Variants in GALNT2 observed in about 807,000 individuals in gnomAD.
GALNT2 encodes the protein polypeptide N-acetylgalactosaminyltransferase 2.
A neutral mutation model predicts 81.4 loss-of-function variants in GALNT2; 31 were observed. That is an observed-to-expected ratio of 0.38 (90% CI 0.29 to 0.51). The LOEUF (loss-of-function observed/expected upper bound fraction) is 0.51, where lower values mean the gene tolerates loss of function less well. Among genes scored for constraint, GALNT2 ranks in the 20% least tolerant of loss-of-function variants. The pLI is 0.87. For synonymous variants in GALNT2, 303 were observed against 287.4 expected, an observed-to-expected ratio of 1.05 and a Z score of -0.55; for missense variants, 629 against 765.7, an observed-to-expected ratio of 0.82 and a Z score of 2.11.
intron 1 of GALNT2, among the ~76,000 whole-genome samples, chr1:230,058,882 C>G (rs1032073160): frequency 6.6e-6 from 1 of 152,188 alleles, no homozygotes; most frequent in Non-Finnish European, 1.5e-5. Context: ...TCATTAAAGA[C>G]AGCCCATTGT....
At chr1:230,249,315 C>T (rs1431465858) in intron 9 of GALNT2, 44 bp downstream of exon 9, 13 of 1,568,052 alleles carry the variant, frequency 8.3e-6, no homozygotes, top group Non-Finnish European at 1.1e-5. Context: ...AGATGAGACC[C>T]CAGGTTCCAG....
chr1:230,275,529 C>A lies in GALNT2; in HGVS notation c.1560+965C>A, dbSNP rs942928281. Reference sequence around the variant, plus strand: ...ACAGATACATACATATATATACATGCCACATAGATATACATATATAAACGC... The same window carrying A: ...ACAGATACATACATATATATACATGACACATAGATATACATATATAAACGC... On this transcript the variant is annotated intron_variant, in intron 15 of 15. Transcript: ENST00000366672. The surrounding 1 kb of genome is among the most constrained non-coding windows in gnomAD (Gnocchi z 5.5). Among the ~76,000 whole-genome samples the A allele has an allele frequency of 6.7e-6, 1 of 148,550 alleles. No individual in the cohort carries two copies. Among genetic ancestry groups the A allele is most frequent in the Non-Finnish European group, 1.5e-5 (1 of 66,954 alleles).
intron 2 of GALNT2, among the ~76,000 whole-genome samples, chr1:230,184,095 T>G (rs1333306216): frequency 2.0e-5 from 3 of 149,978 alleles, no homozygotes; most frequent in African/African-American, 7.3e-5. Flanking sequence ...AAAGAGCTGC[T>G]TTTAACATTT....
chr1:230,188,238 C>T (rs566929110), intron 2 of GALNT2, among the ~76,000 whole-genome samples: 10 of 152,260 alleles, frequency 6.6e-5, no homozygotes, highest in African/African-American at 2.2e-4. Flanking sequence ...TTGGGGCTGC[C>T]GTGGTCACAA....
At chr1:230,151,625 TAAGG>T (rs1307152307) in intron 1 of GALNT2, among the ~76,000 whole-genome samples, 1 of 152,096 alleles carries the variant, frequency 6.6e-6, no homozygotes, top group Non-Finnish European at 1.5e-5. Flanking sequence ...CCACGTAAGC[TAAGG>T]AAGGAAAGCA....
intron 10 of GALNT2, 116 bp downstream of exon 10, chr1:230,250,676 C>CTG: frequency 1.5e-6 from 1 of 661,890 alleles, no homozygotes; most frequent in Non-Finnish European, 2.6e-6. Flanking sequence ...TGGGCTTAAT[C>CTG]GATCCTTGCA....
chr1:230,242,917 C>T (rs12076454), intron 6 of GALNT2, among the ~76,000 whole-genome samples: 14,395 of 152,144 alleles, frequency 0.095, 1,490 homozygotes, highest in African/African-American at 0.25. Flanking sequence ...AAAATCAACA[C>T]CATTAGCACT....
intron 1 of GALNT2, among the ~76,000 whole-genome samples, chr1:230,096,618 A>G (rs1316923618): frequency 2.0e-5 from 3 of 151,968 alleles, no homozygotes; most frequent in Non-Finnish European, 4.4e-5. Context: ...TTCATAATTA[A>G]TTTCTTCCAA....
intron 1 of GALNT2, among the ~76,000 whole-genome samples, chr1:230,136,876 C>A (rs143409083): frequency 1.3e-5 from 2 of 152,160 alleles, no homozygotes; most frequent in African/African-American, 4.8e-5. Flanking sequence ...AAGAGCCGGC[C>A]GTCTGTGCAT....
At chr1:230,117,295 C>G (rs192913683) in intron 1 of GALNT2, among the ~76,000 whole-genome samples, 4 of 152,252 alleles carry the variant, frequency 2.6e-5, no homozygotes, top group African/African-American at 9.6e-5. Flanking sequence ...ATCTTCTATC[C>G]AGACTGCTCA....
intron 15 of GALNT2, among the ~76,000 whole-genome samples, chr1:230,278,079 G>A (rs546487991): frequency 2.0e-5 from 3 of 148,200 alleles, no homozygotes; most frequent in Admixed American, 2.0e-4. Context: ...AAACATTAGA[G>A]ATTTTTAAAG....
At chr1:230,177,414 C>G (rs1663016166) in intron 1 of GALNT2, among the ~76,000 whole-genome samples, 1 of 152,252 alleles carries the variant, frequency 6.6e-6, no homozygotes, top group African/African-American at 2.4e-5. Flanking sequence ...GGGAAAATTA[C>G]TAGCCATGGC....
At chr1:230,234,550 A>G (rs1268887580) in intron 3 of GALNT2, among the ~76,000 whole-genome samples, 1 of 152,224 alleles carries the variant, frequency 6.6e-6, no homozygotes, top group Non-Finnish European at 1.5e-5. Context: ...TTGCCGCCTC[A>G]CAGGCAAGAC....
chr1:230,277,710 G>A (rs1220582584), intron 15 of GALNT2, among the ~76,000 whole-genome samples: 1 of 152,146 alleles, frequency 6.6e-6, no homozygotes, highest in Non-Finnish European at 1.5e-5. Context: ...CGCGCAGGTC[G>A]GGTCCCCAGC....
At chr1:230,267,270 G>T (rs774849963) in intron 14 of GALNT2, among the ~76,000 whole-genome samples, 3 of 152,220 alleles carry the variant, frequency 2.0e-5, no homozygotes, top group Non-Finnish European at 2.9e-5. Flanking sequence ...GCTAGAGAAA[G>T]GGATTAGAAG....
chr1:230,189,415 T>C (rs1378823252), intron 2 of GALNT2, among the ~76,000 whole-genome samples: 1 of 152,128 alleles, frequency 6.6e-6, no homozygotes, highest in Non-Finnish European at 1.5e-5. Flanking sequence ...ATGAATGAAA[T>C]GGGAATGATG....
chr1:230,118,437 C>G (rs1029055953), intron 1 of GALNT2, among the ~76,000 whole-genome samples: 11 of 152,222 alleles, frequency 7.2e-5, no homozygotes, highest in Non-Finnish European at 1.5e-4. Flanking sequence ...AACTGTCTTC[C>G]AAAGTGTGCA....
At chr1:230,168,836 T>C (rs548344505) in intron 1 of GALNT2, among the ~76,000 whole-genome samples, 139 of 152,376 alleles carry the variant, frequency 9.1e-4, no homozygotes, top group Middle Eastern at 3.4e-3. Context: ...AGTATTGATA[T>C]GTTATTAACT....
At chr1:230,126,849 G>A (rs1661199434) in intron 1 of GALNT2, among the ~76,000 whole-genome samples, 1 of 152,190 alleles carries the variant, frequency 6.6e-6, no homozygotes, top group African/African-American at 2.4e-5. Flanking sequence ...TGCACCCAGC[G>A]CAGGTTCAGC....
Sources: gnomAD v4.1 joint callset for allele counts (sites outside exome capture counted in the v4.1 genomes callset) on GRCh38, gnomAD v4.1.1 for gene constraint, Gnocchi (gnomAD v3.1) non-coding constraint, MANE v1.5 for transcripts, NCBI Gene and HGNC (gene_info 2026-07-23, HGNC 2026-07-21) for gene names.